Variants in PHACTR1 observed in about 807,000 individuals in gnomAD.
PHACTR1 encodes the protein phosphatase and actin regulator 1, also known as RPEL repeat containing 1.
PHACTR1 carries 16 observed loss-of-function variants against 69.2 expected under a neutral mutation model. The observed-to-expected ratio is 0.23, with a 90% CI of 0.16 to 0.35. PHACTR1 has a LOEUF of 0.35. PHACTR1 is among the 10% of genes least tolerant of loss of function. The pLI, the probability that PHACTR1 is intolerant of heterozygous loss-of-function variation, is 1.00. For synonymous variants in PHACTR1, 312 were observed against 284.5 expected (o/e 1.10, Z -0.97); for missense variants, 510 against 734.7 (o/e 0.69, Z 3.54).
At chr6:12,957,236 A>C in intron 4 of PHACTR1, 1 of 504,214 alleles carries the variant, frequency 2.0e-6, no homozygotes, top group Non-Finnish European at 2.5e-6. Flanking sequence ...ACTGCATGTT[A>C]AAAAGCTCAA....
chr6:12,892,415 T>C (rs1237418136), intron 4 of PHACTR1, among the ~76,000 whole-genome samples: 4 of 152,176 alleles, frequency 2.6e-5, no homozygotes, highest in African/African-American at 9.7e-5. Flanking sequence ...ATTTAATTAA[T>C]ACAGAGCTGC....
At chr6:12,922,925 T>C (rs1014342) in intron 4 of PHACTR1, among the ~76,000 whole-genome samples, 77,890 of 152,030 alleles carry the variant, frequency 0.51, 23,178 homozygotes, top group East Asian at 0.91. Context: ...CCTAGAACTC[T>C]GCATCAGACC....
chr6:12,856,741 A>G (rs2127417946), intron 4 of PHACTR1, among the ~76,000 whole-genome samples: 1 of 152,338 alleles, frequency 6.6e-6, no homozygotes, highest in South Asian at 2.1e-4. Context: ...GTTCACTCCA[A>G]CCAGCTCTCA....
At chr6:13,042,157 T>C (rs1804287786) in intron 4 of PHACTR1, among the ~76,000 whole-genome samples, 1 of 152,228 alleles carries the variant, frequency 6.6e-6, no homozygotes, top group South Asian at 2.1e-4. Context: ...AATAGTACCA[T>C]AGTCATATAT....
intron 6 of PHACTR1, among the ~76,000 whole-genome samples, chr6:13,163,383 G>T (rs894445611): frequency 1.3e-5 from 2 of 152,222 alleles, no homozygotes; most frequent in African/African-American, 4.8e-5. Flanking sequence ...ATCACTGTCT[G>T]TTCTTTCTGT....
chr6:13,157,725 G>A (rs1047282870), intron 5 of PHACTR1, among the ~76,000 whole-genome samples: 1 of 152,150 alleles, frequency 6.6e-6, no homozygotes, highest in Admixed American at 6.5e-5. Flanking sequence ...TATTTATGCG[G>A]TTAAGTACAG....
At chr6:13,255,454 C>T (rs1406327703) in intron 10 of PHACTR1, among the ~76,000 whole-genome samples, 1 of 152,172 alleles carries the variant, frequency 6.6e-6, no homozygotes, top group Non-Finnish European at 1.5e-5. Flanking sequence ...TAAAATCATT[C>T]CTTCCCACCA....
At chr6:12,732,341 ATTAT>A (rs766099143) in intron 3 of PHACTR1, among the ~76,000 whole-genome samples, 21 of 151,720 alleles carry the variant, frequency 1.4e-4, no homozygotes, top group Middle Eastern at 3.4e-3. Context: ...AGACATTTTC[ATTAT>A]TTATTTATTT....
At chr6:13,236,741 G>A (rs975629951) in intron 10 of PHACTR1, among the ~76,000 whole-genome samples, 11 of 152,164 alleles carry the variant, frequency 7.2e-5, no homozygotes, top group Admixed American at 2.6e-4. Context: ...TCAATAAGGG[G>A]ACATTCTGAG....
chr6:12,902,671 T>C (rs1446498734), intron 4 of PHACTR1, among the ~76,000 whole-genome samples: 3 of 152,174 alleles, frequency 2.0e-5, no homozygotes, highest in African/African-American at 7.2e-5. Flanking sequence ...CCAGCATTCA[T>C]TTTCTTCCTC....
chr6:12,984,888 A>G (rs181721242), intron 4 of PHACTR1, among the ~76,000 whole-genome samples: 2 of 152,376 alleles, frequency 1.3e-5, no homozygotes, highest in East Asian at 3.9e-4. Context: ...AGATTTTTAT[A>G]GCACATTCAT....
intron 4 of PHACTR1, among the ~76,000 whole-genome samples, chr6:12,870,099 A>G (rs1781875357): frequency 6.6e-6 from 1 of 151,720 alleles, no homozygotes; most frequent in African/African-American, 2.4e-5. Flanking sequence ...CTGAATGATC[A>G]CTGTGGATGA....
Position 12,839,923 on chromosome 6 carries a change from CT to C in PHACTR1, c.250+90142del, listed in dbSNP as rs551918077. Among the ~76,000 whole-genome samples, 1,062 of 151,560 alleles carry C rather than the reference CT, an allele frequency of 7.0e-3. 17 individuals are homozygous for C. The highest frequency in any genetic ancestry group is 0.024 in the African/African-American group (1,011 of 41,340). On this transcript the variant is annotated intron_variant, in intron 4 of 14. Coordinates refer to ENST00000332995, the MANE Select transcript of PHACTR1 (RefSeq NM_030948.6). ...AAGAACAGAGGATCATTGACTTATA[CT>C]TTTTTTTTATTTATTCAGAGAGTAC... is the stretch of plus-strand genomic sequence containing the variant.
chr6:13,053,669 A>AT, intron 5 of PHACTR1, 140 bp downstream of exon 5: 1 of 1,007,054 alleles, frequency 9.9e-7, no homozygotes, highest in African/African-American at 1.6e-5. Flanking sequence ...TGTCTTTAAA[A>AT]TTTTTTCAGT....
intron 10 of PHACTR1, among the ~76,000 whole-genome samples, chr6:13,263,516 A>G (rs1776212380): frequency 6.6e-6 from 1 of 152,188 alleles, no homozygotes; most frequent in African/African-American, 2.4e-5. Context: ...CATGGAAACC[A>G]TTTTGCTGCT....
At chr6:12,728,225 G>A (rs919162576) in intron 3 of PHACTR1, among the ~76,000 whole-genome samples, 32 of 151,992 alleles carry the variant, frequency 2.1e-4, no homozygotes, top group Non-Finnish European at 1.8e-4. Flanking sequence ...AGGCTGAGGC[G>A]GGCGGATTGC....
chr6:12,860,157 C>T (rs1026169842), intron 4 of PHACTR1, among the ~76,000 whole-genome samples: 1 of 152,086 alleles, frequency 6.6e-6, no homozygotes, highest in Non-Finnish European at 1.5e-5. Context: ...CCCCTTATCC[C>T]CCACTCCCTG....
intron 4 of PHACTR1, among the ~76,000 whole-genome samples, chr6:12,776,598 T>C (rs1169032715): frequency 1.3e-5 from 2 of 152,238 alleles, no homozygotes; most frequent in South Asian, 2.1e-4. Context: ...TCAGTTCTAG[T>C]ACTCCATTTT....
At chr6:13,284,900 G>A (rs1781322834) in intron 13 of PHACTR1, among the ~76,000 whole-genome samples, 1 of 152,152 alleles carries the variant, frequency 6.6e-6, no homozygotes, top group South Asian at 2.1e-4. Context: ...GACACCATGT[G>A]TGGAAGACTG....
Sources: gnomAD v4.1 joint callset for allele counts (sites outside exome capture counted in the v4.1 genomes callset) on GRCh38, gnomAD v4.1.1 for gene constraint, MANE v1.5 for transcripts, NCBI Gene and HGNC (gene_info 2026-07-23, HGNC 2026-07-21) for gene names.